Variants in SLC6A6 observed in about 807,000 individuals in gnomAD.
The protein encoded by SLC6A6 is solute carrier family 6 member 6.
SLC6A6 carries 16 observed loss-of-function variants against 68.8 expected under a neutral mutation model. The ratio of observed to expected loss-of-function variants is 0.23; its 90% CI spans 0.16 to 0.35. SLC6A6 has a LOEUF of 0.35. Among genes scored for constraint, SLC6A6 ranks in the 10% least tolerant of loss-of-function variants. The pLI is 1.00. For missense variants in SLC6A6, 474 were observed against 802.8 expected (o/e 0.59, Z 4.95); for synonymous variants, 312 against 315.4 (o/e 0.99, Z 0.12).
chr3:14,484,004 T>A (rs1290618816), intron 14 of SLC6A6, among the ~76,000 whole-genome samples: 5 of 152,354 alleles, frequency 3.3e-5, no homozygotes, highest in Admixed American at 6.5e-5. Flanking sequence ...AAGCAGCTTT[T>A]AAAAATTTGT....
rs1407396832 is a variant in SLC6A6, at chr3:14,487,392, A to G, written c.*2385A>G. On this transcript the variant is annotated 3_prime_UTR_variant, in exon 15 of 15. Coordinates refer to ENST00000622186, the MANE Select transcript of SLC6A6 (RefSeq NM_003043.6). Reference sequence around the variant, plus strand: ...CCAGCCCTGGCTCTGTGTGCAGAGCATAGCTCTGCGAGTACCTGTGTAATA... The same window carrying G: ...CCAGCCCTGGCTCTGTGTGCAGAGCGTAGCTCTGCGAGTACCTGTGTAATA... 6.6e-6 allele frequency: 1 copy of G among 152,560 alleles called. No homozygotes were observed. The highest frequency in any genetic ancestry group is 1.5e-5 in the Non-Finnish European group (1 of 68,050). 9.5% of individuals were successfully genotyped at this position (152,560 alleles called of 1,614,324 possible).
chr3:14,441,135 G>T lies in SLC6A6; in HGVS notation c.-11-2489G>T, dbSNP rs575031151. The stretch of plus-strand genomic sequence containing the variant: ...CTGTGTGCCCAGAGGGCAGAGCCGG[G>T]ACTCTCAGGGTAGCCGCAGTGAAGC... On this transcript the variant is annotated intron_variant, in intron 2 of 14. Transcript: ENST00000622186. Among the ~76,000 whole-genome samples the T allele has an allele frequency of 7.2e-5, 11 of 152,238 alleles. No homozygotes were observed. In the East Asian group the frequency reaches 2.1e-3, roughly 30 times the overall value.
At chr3:14,443,923 G>T in intron 3 of SLC6A6, 60 bp downstream of exon 3, 1 of 1,240,206 alleles carries the variant, frequency 8.1e-7, no homozygotes, top group Non-Finnish European at 1.2e-6. Flanking sequence ...TAGAGCTGGA[G>T]GCTGGGACCA....
In SLC6A6 at chr3:14,484,903, C is replaced by G; in HGVS notation, c.1759C>G (p.Arg587Gly). 6.2e-7 allele frequency: 1 copy of G among 1,612,232 alleles called. No homozygotes were observed. The highest frequency in any genetic ancestry group is 8.5e-7 in the Non-Finnish European group (1 of 1,179,998). ...CCTGCTGACCCCAAGGGAACCCAAC[C>G]GCTGGGCTGTGGAGCGCGAGGGAGC... ...KYLLTPREPN[R>G]WAVEREGATP... Residue 587 changes from arginine (R) to glycine (G), a missense_variant, in exon 15 of 15, where the codon CGC becomes GGC. Coordinates refer to ENST00000622186, the MANE Select transcript of SLC6A6 (RefSeq NM_003043.6).
At chr3:14,463,271 A>T (rs953153859) in intron 6 of SLC6A6, among the ~76,000 whole-genome samples, 1 of 152,188 alleles carries the variant, frequency 6.6e-6, no homozygotes, top group Admixed American at 6.5e-5. Context: ...CATCTAGAAA[A>T]TGCAGGTGAG....
At position 14,486,004 on chromosome 3, in the gene SLC6A6, G is replaced by A. The variant is rs528752072; in HGVS notation, c.*997G>A. 1.3e-5 allele frequency: 2 copies of A among 152,744 alleles called. No individual in the cohort carries two copies. The highest frequency in any genetic ancestry group is 6.5e-5 in the Admixed American group (1 of 15,294). The allele number at this position is 152,744 out of a possible 1,614,324, so 9.5% of individuals were successfully genotyped here. A position where few individuals can be genotyped will look rare whatever the true frequency, so the allele number is the denominator to read the frequency against. ...AGATGAGTCTGTTGCATTTGAATGG[G>A]GTCATAGCAGGTTCTGGTCATTCCC... On this transcript the variant is annotated 3_prime_UTR_variant, in exon 15 of 15. Coordinates refer to ENST00000622186, the MANE Select transcript of SLC6A6 (RefSeq NM_003043.6).
At position 14,468,584 on chromosome 3, in the gene SLC6A6, C is replaced by T. The variant is rs1303104945; in HGVS notation, c.1096+372C>T. 6.6e-6 allele frequency among the ~76,000 whole-genome samples: 1 copy of T among 152,118 alleles called. No homozygotes were observed. The highest frequency in any genetic ancestry group is 1.5e-5 in the Non-Finnish European group (1 of 68,024). On this transcript the variant is annotated intron_variant, in intron 9 of 14. Transcript: ENST00000622186. This position sits in a 1 kb window ranked among gnomAD's most constrained non-coding sequence, Gnocchi z 4.5. Reference sequence around the variant, plus strand: ...CAGCCACCAATCGGCATTCCATCACCACCTTCTCAGCCTTGGTTTCTGTAT... The same window carrying T: ...CAGCCACCAATCGGCATTCCATCACTACCTTCTCAGCCTTGGTTTCTGTAT...
chr3:14,425,001 C>T (rs1226992675), intron 2 of SLC6A6, among the ~76,000 whole-genome samples: 1 of 152,146 alleles, frequency 6.6e-6, no homozygotes, highest in Non-Finnish European at 1.5e-5. Flanking sequence ...TTTGTTTCTG[C>T]CTCTCTCTGC....
chr3:14,405,036 AC>A (rs1699074382), intron 1 of SLC6A6, among the ~76,000 whole-genome samples: 1 of 152,194 alleles, frequency 6.6e-6, no homozygotes, highest in Non-Finnish European at 1.5e-5. Flanking sequence ...CTTTGCCTTG[AC>A]TGGACAAAAT....
intron 1 of SLC6A6, among the ~76,000 whole-genome samples, chr3:14,405,920 A>C (rs1699097130): frequency 1.3e-5 from 2 of 152,162 alleles, no homozygotes; most frequent in Non-Finnish European, 2.9e-5. Context: ...ACAGTGAAGA[A>C]GACCCAAGGA....
intron 3 of SLC6A6, among the ~76,000 whole-genome samples, chr3:14,445,273 T>C (rs889425981): frequency 6.6e-6 from 1 of 150,486 alleles, no homozygotes; most frequent in South Asian, 2.1e-4. Context: ...AACAAAAAAT[T>C]AGCCGGGCGT....
rs1206851756 is a variant in SLC6A6 at position 14,477,948 on chromosome 3, A to G, written c.1348-518A>G. 6.6e-6 allele frequency among the ~76,000 whole-genome samples: 1 copy of G among 152,164 alleles called. No homozygotes were observed. Among genetic ancestry groups the G allele is most frequent in the Non-Finnish European group, 1.5e-5 (1 of 68,026 alleles). On this transcript the variant is annotated intron_variant, in intron 11 of 14. Coordinates refer to ENST00000622186, the MANE Select transcript of SLC6A6 (RefSeq NM_003043.6). The surrounding 1 kb of genome is among the most constrained non-coding windows in gnomAD (Gnocchi z 4.2). ...GCCAGATGAGATAAAGATTGTACTAAGAATGGAAGCCTAGCATCAAAGCCA... is the reference window on the plus strand; with the variant it reads ...GCCAGATGAGATAAAGATTGTACTAGGAATGGAAGCCTAGCATCAAAGCCA...
chr3:14,446,776 C>T (rs879731699), intron 4 of SLC6A6, among the ~76,000 whole-genome samples: 3 of 152,192 alleles, frequency 2.0e-5, no homozygotes, highest in Non-Finnish European at 4.4e-5. Context: ...GACATAGCCA[C>T]GTAGAATGCT....
At chr3:14,406,335 G>A (rs1233000529) in intron 1 of SLC6A6, among the ~76,000 whole-genome samples, 1 of 152,136 alleles carries the variant, frequency 6.6e-6, no homozygotes, top group African/African-American at 2.4e-5. Context: ...TGTGTAAGTG[G>A]GTTTGGGCTT....
At chr3:14,454,429 G>A (rs1700324357) in intron 5 of SLC6A6, among the ~76,000 whole-genome samples, 1 of 152,256 alleles carries the variant, frequency 6.6e-6, no homozygotes, top group African/African-American at 2.4e-5. Flanking sequence ...TCACTGCTGG[G>A]TAGGGATTGG....
In SLC6A6 at chr3:14,457,122, G is replaced by T. The variant is rs141633684; in HGVS notation, c.600-828G>T. On this transcript the variant is annotated intron_variant, in intron 5 of 14. Transcript: ENST00000622186. ...GAGTAGGTACTTGTGTGCTTGTTTA[G>T]CAGGGCAGCAGGAATCAGCTCGGAT... 3.4e-3 allele frequency among the ~76,000 whole-genome samples: 512 copies of T among 152,280 alleles called. 2 individuals are homozygous for T. The highest frequency in any genetic ancestry group is 7.8e-3 in the Admixed American group (119 of 15,300).
Position 14,485,698 on chromosome 3 carries a change from A to G in SLC6A6, c.*691A>G, listed in dbSNP as rs1487100973. 1 of 152,678 alleles carries G rather than the reference A, an allele frequency of 6.5e-6. No individual in the cohort carries two copies. Among genetic ancestry groups the G allele is most frequent in the African/African-American group, 2.4e-5 (1 of 41,464 alleles). The allele number at this position is 152,678 out of a possible 1,614,324, so 9.5% of individuals were successfully genotyped here. ...GGAGACTGGCTGAAGCTGAATGAGG[A>G]GGCCCTATAGCAGAAGTCTGATTCT... is the stretch of plus-strand genomic sequence containing the variant. On this transcript the variant is annotated 3_prime_UTR_variant, in exon 15 of 15. Transcript: ENST00000622186.
chr3:14,424,879 C>A lies in SLC6A6; in HGVS notation c.-12+8426C>A, dbSNP rs145681543. Among the ~76,000 whole-genome samples the A allele has an allele frequency of 1.9e-3, 282 of 152,240 alleles. 2 individuals carry two copies. Among genetic ancestry groups the A allele is most frequent in the African/African-American group, 6.6e-3 (273 of 41,530 alleles). ...CATTGGGAGGGAGGGGACGGGGACA[C>A]GGCGCTATTGAAGGAAGCTCGGTCG... is the stretch of plus-strand genomic sequence containing the variant. On this transcript the variant is annotated intron_variant, in intron 2 of 14. Transcript: ENST00000622186.
At chr3:14,484,398 G>C (rs1701087051) in intron 14 of SLC6A6, among the ~76,000 whole-genome samples, 1 of 152,242 alleles carries the variant, frequency 6.6e-6, no homozygotes, top group Non-Finnish European at 1.5e-5. Context: ...TGTAGCTTAT[G>C]GGAGGCTGAG....
Sources: gnomAD v4.1 joint callset for allele counts (sites outside exome capture counted in the v4.1 genomes callset) on GRCh38, gnomAD v4.1.1 for gene constraint, Gnocchi (gnomAD v3.1) non-coding constraint, MANE v1.5 for transcripts, NCBI Gene and HGNC (gene_info 2026-07-23, HGNC 2026-07-21) for gene names.